Variants in HDAC9 observed in about 807,000 individuals in gnomAD.
HDAC9 encodes the protein histone deacetylase 9.
In HDAC9, 41 loss-of-function variants were observed where a neutral mutation model predicts 139.4. The observed-to-expected ratio is 0.29, with a 90% CI of 0.23 to 0.38. HDAC9 has a LOEUF of 0.38. Ranked by LOEUF, HDAC9 falls within the 10% of genes least tolerant of loss-of-function variation. HDAC9 has a pLI of 1.00. For missense variants in HDAC9, 1,147 were observed against 1,297.0 expected (o/e 0.88, Z 1.78); for synonymous variants, 517 against 476.2 (o/e 1.09, Z -1.12).
Position 18,226,584 on chromosome 7 carries a change from T to C in HDAC9, c.25+64235T>C, listed in dbSNP as rs531289457. ...CCTCCCATAGCAATAATGATGTGTG[T>C]AAGACAGAGTTGATGAAAAAGGAAG... On this transcript the variant is annotated intron_variant, in intron 2 of 12. Coordinates refer to the HDAC9 transcript ENST00000417496. Among the ~76,000 whole-genome samples, 19 of 152,208 alleles carry C rather than the reference T, an allele frequency of 1.2e-4. 1 individual carries two copies. The East Asian group carries it at 3.5e-3, about 28-fold the overall frequency.
rs565645575 is a variant in HDAC9 at position 18,732,878 on chromosome 7, C to T, written c.1909+5121C>T. Among the ~76,000 whole-genome samples, 131 of 68,380 alleles carry T rather than the reference C, an allele frequency of 1.9e-3. 16 individuals carry two copies. In the South Asian group the frequency reaches 0.054, roughly 28 times the overall value. The allele number at this position is 68,380 out of a possible 152,430, so 44.9% of individuals were successfully genotyped here. A position where few individuals can be genotyped will look rare whatever the true frequency, so the allele number is the denominator to read the frequency against. On this transcript the variant is annotated intron_variant, in intron 13 of 25. Transcript: ENST00000686413. ...ATGTGTGCGTATGTGTACACACACA[C>T]GTGTGCGTATGTGTACACACACACG...
intron 12 of HDAC9, among the ~76,000 whole-genome samples, chr7:18,676,800 CT>C (rs1781543815): frequency 6.6e-6 from 1 of 151,554 alleles, no homozygotes; most frequent in South Asian, 2.1e-4. Context: ...TCATTATAAC[CT>C]TTTTCTGGAT....
intron 17 of HDAC9, among the ~76,000 whole-genome samples, chr7:18,823,627 G>T (rs2129201063): frequency 6.6e-6 from 1 of 152,270 alleles, no homozygotes; most frequent in Middle Eastern, 3.4e-3. Context: ...CCTATGAGGA[G>T]ATGATAAGGA....
At chr7:18,605,437 C>T (rs1023938692) in intron 6 of HDAC9, among the ~76,000 whole-genome samples, 1 of 152,116 alleles carries the variant, frequency 6.6e-6, no homozygotes, top group African/African-American at 2.4e-5. Context: ...AAAATATTTT[C>T]CCTTGGAGAG....
intron 10 of HDAC9, 93 bp from the exon 11 acceptor site, chr7:18,648,373 T>C: frequency 9.3e-7 from 1 of 1,077,892 alleles, no homozygotes; most frequent in Non-Finnish European, 1.4e-6. Context: ...CTGTTTTCTT[T>C]GGCTTCTTAT....
chr7:18,456,609 G>A (rs996857933), intron 1 of HDAC9, among the ~76,000 whole-genome samples: 5 of 152,140 alleles, frequency 3.3e-5, no homozygotes, highest in Non-Finnish European at 7.4e-5. Context: ...AACAGTTGAT[G>A]GAAGATATTA....
At chr7:18,630,619 C>T (rs976633217) in intron 7 of HDAC9, among the ~76,000 whole-genome samples, 3 of 151,976 alleles carry the variant, frequency 2.0e-5, no homozygotes, top group African/African-American at 7.2e-5. Context: ...AAAGTATTTC[C>T]TTGGGATAAG....
intron 1 of HDAC9, among the ~76,000 whole-genome samples, chr7:18,437,944 TACACACACACACACACACAGAC>T (rs1021331024): frequency 6.7e-6 from 1 of 148,658 alleles, no homozygotes; most frequent in Non-Finnish European, 1.5e-5. Flanking sequence ...TATATAACGT[TACACACACACACACACACAGAC>T]ACACACACAC....
intron 22 of HDAC9, among the ~76,000 whole-genome samples, chr7:18,922,621 AC>A (rs1430233672): frequency 6.6e-6 from 1 of 152,054 alleles, no homozygotes; most frequent in African/African-American, 2.4e-5. Context: ...CAAAGGTTAA[AC>A]TCCACTTTAA....
chr7:18,310,305 C>T (rs1368289701), intron 1 of HDAC9, among the ~76,000 whole-genome samples: 1 of 152,114 alleles, frequency 6.6e-6, no homozygotes, highest in African/African-American at 2.4e-5. Context: ...TTGAAAAACA[C>T]TGGGATAGAT....
chr7:18,606,274 G>T (rs944291414), intron 6 of HDAC9, among the ~76,000 whole-genome samples: 2 of 152,106 alleles, frequency 1.3e-5, no homozygotes, highest in African/African-American at 4.8e-5. Flanking sequence ...AAATTTCCCA[G>T]TTCTTCACAT....
At chr7:18,439,611 A>C (rs1279385398) in intron 1 of HDAC9, among the ~76,000 whole-genome samples, 18 of 152,194 alleles carry the variant, frequency 1.2e-4, no homozygotes. Context: ...CCTAGGTCTC[A>C]TTACTACTGT....
intron 1 of HDAC9, among the ~76,000 whole-genome samples, chr7:18,154,383 T>G (rs899698171): frequency 6.6e-6 from 1 of 152,188 alleles, no homozygotes; most frequent in African/African-American, 2.4e-5. Flanking sequence ...AGATGAATAG[T>G]TGTGCTGCAG....
intron 21 of HDAC9, among the ~76,000 whole-genome samples, chr7:18,866,857 G>T (rs1798540581): frequency 6.6e-6 from 1 of 152,100 alleles, no homozygotes; most frequent in Non-Finnish European, 1.5e-5. Context: ...TTACTAGTGT[G>T]GTTCAACTTA....
chr7:18,172,806 G>T (rs575249584), intron 2 of HDAC9, among the ~76,000 whole-genome samples: 2 of 152,316 alleles, frequency 1.3e-5, no homozygotes, highest in East Asian at 3.9e-4. Context: ...TTGCACTGTG[G>T]TCTGAGAGAC....
At position 18,883,840 on chromosome 7, in the gene HDAC9, A is replaced by G. The variant is rs1799920841; in HGVS notation, c.2803+9244A>G. 2.0e-5 allele frequency among the ~76,000 whole-genome samples: 3 copies of G among 152,146 alleles called. No homozygotes were observed. The South Asian group carries it at 6.2e-4, about 31-fold the overall frequency. On this transcript the variant is annotated intron_variant, in intron 22 of 25. Transcript: ENST00000686413. ...ATAAAACCAATAATTAAATACAGTAAACTTGCAGAATATAATATTAACATA... is the reference window on the plus strand; with the variant it reads ...ATAAAACCAATAATTAAATACAGTAGACTTGCAGAATATAATATTAACATA...
chr7:18,768,765 A>G (rs1417752796), intron 16 of HDAC9, among the ~76,000 whole-genome samples: 5 of 152,184 alleles, frequency 3.3e-5, no homozygotes, highest in African/African-American at 7.2e-5. Context: ...AGAAATATAG[A>G]TGATCCCTGA....
chr7:18,473,577 A>G (rs1424733575), intron 1 of HDAC9, among the ~76,000 whole-genome samples: 1 of 152,248 alleles, frequency 6.6e-6, no homozygotes, highest in Non-Finnish European at 1.5e-5. Flanking sequence ...AAGACAACCT[A>G]TGACAATATA....
At chr7:18,361,399 A>T (rs981220359) in intron 1 of HDAC9, among the ~76,000 whole-genome samples, 2 of 152,162 alleles carry the variant, frequency 1.3e-5, no homozygotes, top group African/African-American at 2.4e-5. Context: ...TTCATTTCAA[A>T]CATCTAATCT....
Sources: gnomAD v4.1 joint callset for allele counts (sites outside exome capture counted in the v4.1 genomes callset) on GRCh38, gnomAD v4.1.1 for gene constraint, MANE v1.5 for transcripts, NCBI Gene and HGNC (gene_info 2026-07-23, HGNC 2026-07-21) for gene names.